MCM9: variants seen among roughly 807,000 people sequenced by gnomAD.
The protein encoded by MCM9 is DNA helicase MCM9.
Under a neutral mutation model 72.8 loss-of-function variants are expected in MCM9, and 55 were observed. The ratio of observed to expected loss-of-function variants is 0.76; its 90% CI spans 0.61 to 0.95. The LOEUF is 0.95. MCM9 is among the 40% of genes least tolerant of loss of function. MCM9 has a pLI of 0.00. For missense variants in MCM9, 1,279 were observed against 1,377.0 expected (o/e 0.93, Z 1.13); for synonymous variants, 480 against 503.4 (o/e 0.95, Z 0.62).
intron 8 of MCM9, among the ~76,000 whole-genome samples, chr6:118,894,850 C>T (rs1370031370): frequency 1.3e-5 from 2 of 152,148 alleles, no homozygotes; most frequent in Non-Finnish European, 1.5e-5. Flanking sequence ...GCCGGGCTGG[C>T]TCCGCGCCGC....
At chr6:118,826,325 C>A in intron 12 of MCM9, 33 bp from the exon 13 acceptor site, 1 of 1,540,322 alleles carries the variant, frequency 6.5e-7, no homozygotes, top group Non-Finnish European at 8.8e-7. Flanking sequence ...GGAGAGTCAC[C>A]AGGCCAGCCT....
At chr6:118,931,358 A>T in intron 3 of MCM9, 62 bp downstream of exon 3, 1 of 1,302,974 alleles carries the variant, frequency 7.7e-7, no homozygotes, top group Non-Finnish European at 1.1e-6. Context: ...TTCTAAATCT[A>T]GTATATTTTC....
Position 118,821,213 on chromosome 6 carries a change from T to C in MCM9, c.1962-4919A>G, listed in dbSNP as rs148692331. Among the ~76,000 whole-genome samples, 1,150 of 152,332 alleles carry C rather than the reference T, an allele frequency of 7.5e-3. 8 individuals are homozygous for C. Among genetic ancestry groups the C allele is most frequent in the South Asian group, 0.029 (139 of 4,828 alleles). On this transcript the variant is annotated intron_variant, in intron 13 of 13. Transcript: ENST00000619706. ...CACATTAGTTGATGCAGTTTCTTCA[T>C]AGCATCAACGGTCTTTACAATTTGG...
At chr6:118,890,176 C>T (rs1273395166) in intron 8 of MCM9, among the ~76,000 whole-genome samples, 2 of 152,104 alleles carry the variant, frequency 1.3e-5, no homozygotes, top group East Asian at 1.9e-4. Context: ...CTTTGTTCCT[C>T]AAGAGTTCAT....
intron 8 of MCM9, chr6:118,908,960 G>A (rs942753673): frequency 2.0e-5 from 3 of 152,510 alleles, no homozygotes; most frequent in Admixed American, 2.0e-4. Context: ...CTAAAAAAGT[G>A]AATTTGTGAA....
Position 118,831,803 on chromosome 6 carries a change from C to T in MCM9, c.1326-2553G>A, listed in dbSNP as rs141248137. On this transcript the variant is annotated intron_variant, in intron 9 of 13. Coordinates refer to ENST00000619706, the MANE Select transcript of MCM9 (RefSeq NM_017696.3). ...CCTTCAACAATATTAATAAAAATAA[C>T]TACATTTTTAATATCAAGCAAGCAC... 5.3e-3 allele frequency among the ~76,000 whole-genome samples: 804 copies of T among 152,136 alleles called. 8 individuals are homozygous for T. The highest frequency in any genetic ancestry group is 0.019 in the African/African-American group (778 of 41,490).
chr6:118,919,463 T>A (rs1019679893), intron 5 of MCM9: 1 of 151,826 alleles, frequency 6.6e-6, no homozygotes, highest in African/African-American at 2.4e-5. Flanking sequence ...TAATGCAGTA[T>A]CTAGAAGACG....
chr6:118,875,940 CA>C (rs1777907462), intron 8 of MCM9, among the ~76,000 whole-genome samples: 2 of 152,162 alleles, frequency 1.3e-5, no homozygotes, highest in African/African-American at 4.8e-5. Flanking sequence ...CAGGTGTTTA[CA>C]GAAGCTTTAT....
intron 8 of MCM9, among the ~76,000 whole-genome samples, chr6:118,903,574 C>A (rs1779955823): frequency 6.6e-6 from 1 of 152,050 alleles, no homozygotes; most frequent in African/African-American, 2.4e-5. Context: ...CAAGAAATAT[C>A]AGCACATAAA....
chr6:118,934,655 C>T (rs1204868664), intron 1 of MCM9: 1 of 152,152 alleles, frequency 6.6e-6, no homozygotes, highest in Non-Finnish European at 1.5e-5. Flanking sequence ...AACGTGGAGT[C>T]GCTCGGTTTT....
At chr6:118,848,587 C>T (rs1776027736) in intron 9 of MCM9, among the ~76,000 whole-genome samples, 1 of 151,832 alleles carries the variant, frequency 6.6e-6, no homozygotes, top group South Asian at 2.1e-4. Flanking sequence ...AAAATACTTG[C>T]TATCCTAATC....
At chr6:118,894,924 G>C (rs985943486) in intron 8 of MCM9, among the ~76,000 whole-genome samples, 1 of 152,184 alleles carries the variant, frequency 6.6e-6, no homozygotes, top group Non-Finnish European at 1.5e-5. Flanking sequence ...CTGTGCGTGT[G>C]GTCGCGCCGG....
chr6:118,925,861 G>T (rs755562634), intron 3 of MCM9, among the ~76,000 whole-genome samples: 2 of 151,896 alleles, frequency 1.3e-5, no homozygotes, highest in African/African-American at 4.8e-5. Flanking sequence ...AACACTGCTT[G>T]TAGATTCTCA....
At chr6:118,932,410 T>C (rs994817506) in intron 2 of MCM9, among the ~76,000 whole-genome samples, 197 bp downstream of exon 2, 3 of 152,244 alleles carry the variant, frequency 2.0e-5, no homozygotes, top group Non-Finnish European at 4.4e-5. Context: ...CCACATTCCA[T>C]ACACACACAT....
Position 118,887,615 on chromosome 6 carries a change from A to T in MCM9, c.1150+24035T>A, listed in dbSNP as rs528510395. 3.3e-5 allele frequency among the ~76,000 whole-genome samples: 5 copies of T among 152,344 alleles called. No homozygotes were observed. The South Asian group carries it at 6.2e-4, about 19-fold the overall frequency. ...CAAAAGCACAATCCAACATAACGAA[A>T]ATAGATTAAATGGGCATCATCAAAA... On this transcript the variant is annotated intron_variant, in intron 8 of 13. Transcript: ENST00000619706.
At chr6:118,915,933 T>TA (rs1369175967) in intron 6 of MCM9, among the ~76,000 whole-genome samples, 2 of 152,200 alleles carry the variant, frequency 1.3e-5, no homozygotes, top group African/African-American at 4.8e-5. Flanking sequence ...AAGATCTAGT[T>TA]AGAGTACCAT....
rs2114646638 is a variant in MCM9, at chr6:118,847,091, A to T, written c.1325+9280T>A. On this transcript the variant is annotated intron_variant, in intron 9 of 13. Coordinates refer to ENST00000619706, the MANE Select transcript of MCM9 (RefSeq NM_017696.3). ...CAATATAAAAGCACCAAAAAGCAGA[A>T]GATGTATATCCAGAGATGATAAAAC... Among the ~76,000 whole-genome samples the T allele has an allele frequency of 1.3e-5, 2 of 151,992 alleles. 1 individual carries two copies. Among genetic ancestry groups the T allele is most frequent in the South Asian group, 4.1e-4 (2 of 4,828 alleles).
intron 9 of MCM9, among the ~76,000 whole-genome samples, chr6:118,834,994 G>A (rs776158656): frequency 1.3e-5 from 2 of 152,046 alleles, no homozygotes; most frequent in Non-Finnish European, 2.9e-5. Flanking sequence ...TAGGTCTTAC[G>A]TTTAAGCCTT....
intron 7 of MCM9, 22 bp from the exon 8 acceptor site, chr6:118,911,791 A>C: frequency 6.3e-7 from 1 of 1,582,870 alleles, no homozygotes; most frequent in Admixed American, 1.7e-5. Context: ...CAAATACATG[A>C]AGTTTTAAAT....
Sources: gnomAD v4.1 joint callset for allele counts (sites outside exome capture counted in the v4.1 genomes callset) on GRCh38, gnomAD v4.1.1 for gene constraint, MANE v1.5 for transcripts, NCBI Gene and HGNC (gene_info 2026-07-23, HGNC 2026-07-21) for gene names.